UBR4: variants seen among roughly 807,000 people sequenced by gnomAD.
UBR4 encodes the protein ubiquitin protein ligase E3 component n-recognin 4.
UBR4 carries 124 observed loss-of-function variants against 575.6 expected under a neutral mutation model. The observed-to-expected ratio is 0.22, with a 90% CI of 0.19 to 0.25. The LOEUF (loss-of-function observed/expected upper bound fraction) is 0.25. Among genes scored for constraint, UBR4 ranks in the 10% least tolerant of loss-of-function variants. The probability of loss-of-function intolerance (pLI) is 1.00; values close to 1 mark genes in which losing one functional copy is unlikely to be tolerated. For synonymous variants in UBR4, 2,455 were observed against 2,473.7 expected (o/e 0.99, Z 0.22); for missense variants, 4,818 against 6,478.8 (o/e 0.74, Z 8.80).
In UBR4 at chr1:19,123,516, C is replaced by T. The variant is rs114975961; in HGVS notation, c.9589-456G>A. Among the ~76,000 whole-genome samples the T allele has an allele frequency of 8.9e-3, 1,329 of 149,818 alleles. 18 individuals carry two copies. The highest frequency in any genetic ancestry group is 0.031 in the African/African-American group (1,256 of 40,740). ...ACCAAGCTATTTCCTCTTGACCAAA[C>T]CAGCCTCTCTTAAACTTAAATATCC... On this transcript the variant is annotated intron_variant, in intron 65 of 105. Transcript: ENST00000375254.
At chr1:19,194,982 C>T (rs1392833728) in intron 8 of UBR4, among the ~76,000 whole-genome samples, 4 of 149,758 alleles carry the variant, frequency 2.7e-5, no homozygotes, top group Non-Finnish European at 6.0e-5. Flanking sequence ...GAAATCTGGC[C>T]AGGCACGGTG....
intron 39 of UBR4, among the ~76,000 whole-genome samples, chr1:19,158,739 A>C (rs1169575164): frequency 2.0e-5 from 3 of 152,060 alleles, no homozygotes; most frequent in African/African-American, 7.2e-5. Context: ...TGGGGATTAC[A>C]GGCATGAGCC....
chr1:19,126,479 G>A lies in UBR4; in HGVS notation c.9405C>T (p.Asp3135=). 1 of 1,614,222 alleles carries A rather than the reference G, an allele frequency of 6.2e-7. No homozygotes were observed. Among genetic ancestry groups the A allele is most frequent in the Non-Finnish European group, 8.5e-7 (1 of 1,180,032 alleles). The change falls in exon 64 of 106, where the codon GAC becomes GAT. Residue 3135 remains aspartate, a synonymous_variant. Transcript: ENST00000375254. ...ACTGGCGGAGAAAGAATGGGCTCAT[G>A]TCAGGTGGGGAGGAGGTAGTATGTG... ...LKPHTTSSPP[D]MSPFFLRQYV...
chr1:19,184,505 A>T (rs1167260909), intron 15 of UBR4, among the ~76,000 whole-genome samples: 2 of 152,200 alleles, frequency 1.3e-5, no homozygotes, highest in Non-Finnish European at 2.9e-5. Flanking sequence ...CACTACTGAT[A>T]TATTCAATCC....
At chr1:19,120,141 A>G in intron 69 of UBR4, 39 bp downstream of exon 69, 1 of 1,606,318 alleles carries the variant, frequency 6.2e-7, no homozygotes, top group Admixed American at 1.7e-5. Flanking sequence ...CCCTGGCCTC[A>G]CACCCTTGCA....
chr1:19,179,108 T>C lies in UBR4; in HGVS notation c.2297A>G (p.His766Arg), dbSNP rs1475891703. 6.2e-7 allele frequency: 1 copy of C among 1,614,090 alleles called. No individual in the cohort carries two copies. The highest frequency in any genetic ancestry group is 8.5e-7 in the Non-Finnish European group (1 of 1,179,994). Residue 766 changes from histidine to arginine, a missense_variant, in exon 18 of 106, where the codon CAT becomes CGT. Transcript: ENST00000375254. ...AGGGTCACCTTGAGCACTGGCTTTATGTTGCCAGATGAGCAGGAGGCGTGA... is the reference window on the plus strand; with the variant it reads ...AGGGTCACCTTGAGCACTGGCTTTACGTTGCCAGATGAGCAGGAGGCGTGA... ...VLSRLLLIWQ[H>R]KASAQGDPDV...
At position 19,088,759 on chromosome 1, in the gene UBR4, C is replaced by T. The variant is rs1162171767; in HGVS notation, c.14430G>A (p.Thr4810=). The T allele has an allele frequency of 1.9e-6, 3 of 1,613,024 alleles. No individual in the cohort carries two copies. The highest frequency in any genetic ancestry group is 1.7e-5 in the Admixed American group (1 of 60,024). ...TGGGGACTCTAGGTGGTAGCTTTAC[C>T]GTCATGCCCAGGGTGCCCAGGGCCT... ...RQKALGTLGM[T]TNEKGQVVTK... is the part of the protein sequence containing the mutation. The change falls in exon 98 of 106, where the codon ACG becomes ACA. Residue 4810 remains threonine, a splice_region_variant and synonymous_variant. Transcript: ENST00000375254. This position sits in a 1 kb window ranked among gnomAD's most constrained non-coding sequence, Gnocchi z 4.0.
At chr1:19,170,205 C>A (rs976823415) in intron 26 of UBR4, among the ~76,000 whole-genome samples, 3 of 152,168 alleles carry the variant, frequency 2.0e-5, no homozygotes, top group Non-Finnish European at 4.4e-5. Context: ...GAACACCAGC[C>A]TGGGCAACAT....
chr1:19,193,764 C>G (rs184452600), intron 8 of UBR4, among the ~76,000 whole-genome samples: 27 of 152,200 alleles, frequency 1.8e-4, no homozygotes, highest in Middle Eastern at 3.4e-3. Flanking sequence ...AAAACTTACA[C>G]GCGCGCACAC....
intron 39 of UBR4, among the ~76,000 whole-genome samples, chr1:19,158,511 G>A (rs2086773535): frequency 6.6e-6 from 1 of 151,986 alleles, no homozygotes; most frequent in Non-Finnish European, 1.5e-5. Flanking sequence ...AGTGGTGAGT[G>A]CAGTGATGTG....
chr1:19,094,601 A>G (rs1451210999), intron 94 of UBR4, among the ~76,000 whole-genome samples: 1 of 152,344 alleles, frequency 6.6e-6, no homozygotes, highest in East Asian at 1.9e-4. Context: ...GGGCTATTCA[A>G]TTCCTCAACT....
intron 60 of UBR4, among the ~76,000 whole-genome samples, chr1:19,129,933 T>C (rs6668423): frequency 0.62 from 94,283 of 152,000 alleles, 29,573 homozygotes; most frequent in East Asian, 0.8. Flanking sequence ...TAAGAAACCA[T>C]ATACCTATTT....
intron 19 of UBR4, 86 bp from the exon 20 acceptor site, chr1:19,176,813 T>C (rs948940312): frequency 3.2e-5 from 46 of 1,432,866 alleles, no homozygotes; most frequent in Middle Eastern, 2.2e-4. Context: ...CTCGGTACAC[T>C]GAATCTTGGT....
intron 92 of UBR4, 130 bp from the exon 93 acceptor site, chr1:19,095,782 G>T: frequency 1.3e-6 from 1 of 780,186 alleles, no homozygotes; most frequent in Non-Finnish European, 2.1e-6. Context: ...AAGAGGACAG[G>T]AGGGAGAAGC....
At chr1:19,190,700 C>G (rs2092002866) in intron 11 of UBR4, among the ~76,000 whole-genome samples, 1 of 152,174 alleles carries the variant, frequency 6.6e-6, no homozygotes, top group East Asian at 1.9e-4. Flanking sequence ...TACAAGCCAT[C>G]AGTAAATCCT....
intron 86 of UBR4, 79 bp from the exon 87 acceptor site, chr1:19,104,336 C>A: frequency 6.5e-7 from 1 of 1,535,322 alleles, no homozygotes; most frequent in Admixed American, 1.9e-5. Flanking sequence ...AGATTATGAG[C>A]AACTCAAAAA....
Position 19,093,403 on chromosome 1 carries a change from T to A in UBR4, c.14021A>T (p.Asn4674Ile). 6.2e-7 allele frequency: 1 copy of A among 1,614,250 alleles called. No homozygotes were observed. The highest frequency in any genetic ancestry group is 8.5e-7 in the Non-Finnish European group (1 of 1,180,042). ...AATCAGATCCTTCAGCTGGTGCCCA[T>A]TGCTGTTGTTCTTGATGCCAGCAGC... The part of the protein sequence containing the change: ...KIAAGIKNNS[N>I]GHQLKDLILQ... The change falls in exon 96 of 106, where the codon AAT becomes ATT. Residue 4674 changes from asparagine (N) to isoleucine (I), a missense_variant. Around this residue, in one of 29 missense-constraint regions of UBR4, gnomAD observed 165 missense variants for 282.3 expected, o/e 0.58. Coordinates refer to ENST00000375254, the MANE Select transcript of UBR4 (RefSeq NM_020765.3). This position sits in a 1 kb window ranked among gnomAD's most constrained non-coding sequence, Gnocchi z 4.8.
At chr1:19,161,999 A>C (rs3748758) in intron 35 of UBR4, 102 bp from the exon 36 acceptor site, 573,946 of 1,318,710 alleles carry the variant, frequency 0.44, 128,596 homozygotes, top group East Asian at 0.79. Context: ...TGAATAGTTG[A>C]CTCGCAAATG....
chr1:19,192,337 T>C lies in UBR4; in HGVS notation c.1245A>G (p.Leu415=). Residue 415 remains leucine, a synonymous_variant, in exon 11 of 106, where the codon TTA becomes TTG. Transcript: ENST00000375254. Reference sequence around the variant, plus strand: ...GGTTCAGTATGAGGAAAAGGCTGTTTAACAAGCACCAAGCACCCAGCAATT... The same window carrying C: ...GGTTCAGTATGAGGAAAAGGCTGTTCAACAAGCACCAAGCACCCAGCAATT... ...NFQLLGAWCL[L]NSLFLILNLS... is the part of the protein sequence containing the mutation. The C allele has an allele frequency of 6.2e-7, 1 of 1,614,092 alleles. No individual in the cohort carries two copies. Among genetic ancestry groups the C allele is most frequent in the Non-Finnish European group, 8.5e-7 (1 of 1,179,994 alleles).
Sources: allele counts gnomAD v4.1 joint callset (sites outside exome capture counted in the v4.1 genomes callset), GRCh38; gene constraint gnomAD v4.1.1; regional missense constraint gnomAD v4.1.1; non-coding constraint Gnocchi (gnomAD v3.1); transcripts MANE v1.5; gene names NCBI Gene and HGNC (gene_info 2026-07-23, HGNC 2026-07-21).